The following OGDH variants were observed in gnomAD, a reference collection of about 807,000 sequenced individuals.
OGDH encodes the protein oxoglutarate dehydrogenase.
OGDH carries 38 observed loss-of-function variants against 116.6 expected under a neutral mutation model. That is an observed-to-expected ratio of 0.33 (90% CI 0.25 to 0.43). The LOEUF (loss-of-function observed/expected upper bound fraction) is 0.43, where lower values mean the gene tolerates loss of function less well. OGDH is among the 20% of genes least tolerant of loss of function. OGDH has a pLI of 1.00. For missense variants in OGDH, 825 were observed against 1,357.2 expected (o/e 0.61, Z 6.16); for synonymous variants, 488 against 533.3 (o/e 0.92, Z 1.17).
intron 12 of OGDH, among the ~76,000 whole-genome samples, chr7:44,695,697 G>A (rs1414405608): frequency 3.5e-5 from 5 of 144,514 alleles, no homozygotes; most frequent in South Asian, 2.2e-4. Flanking sequence ...GCATGACTCC[G>A]TCTCAAAAAA....
chr7:44,673,550 A>G (rs1341489388), intron 5 of OGDH, among the ~76,000 whole-genome samples: 1 of 152,128 alleles, frequency 6.6e-6, no homozygotes, highest in Non-Finnish European at 1.5e-5. Context: ...TTGGAAGGCT[A>G]GGAGGTTCTC....
At chr7:44,682,677 A>C (rs967913449) in intron 10 of OGDH, among the ~76,000 whole-genome samples, 3 of 152,010 alleles carry the variant, frequency 2.0e-5, no homozygotes, top group African/African-American at 7.2e-5. Flanking sequence ...GCGACAGAGC[A>C]GGAGTCTGTC....
chr7:44,670,739 G>A (rs1198767310), intron 5 of OGDH, among the ~76,000 whole-genome samples: 2 of 152,266 alleles, frequency 1.3e-5, no homozygotes, highest in Non-Finnish European at 2.9e-5. Flanking sequence ...GGCTGGGCGT[G>A]GTGGCTCAAG....
At chr7:44,684,797 T>C (rs1290106958) in intron 10 of OGDH, among the ~76,000 whole-genome samples, 4 of 143,774 alleles carry the variant, frequency 2.8e-5, no homozygotes, top group African/African-American at 5.4e-5. Flanking sequence ...TTTTTTTCTA[T>C]TTTTTTTTTT....
chr7:44,680,344 A>G (rs1344147371), intron 9 of OGDH, among the ~76,000 whole-genome samples: 1 of 152,178 alleles, frequency 6.6e-6, no homozygotes, highest in Non-Finnish European at 1.5e-5. Context: ...TAGGCTGTGT[A>G]TCCAAGGAGT....
chr7:44,615,772 C>T (rs1030610462), intron 1 of OGDH, among the ~76,000 whole-genome samples: 2 of 152,106 alleles, frequency 1.3e-5, no homozygotes, highest in African/African-American at 4.8e-5. Flanking sequence ...GGTGTGGTGG[C>T]TCATACCTGT....
At chr7:44,688,740 A>G (rs1211589506) in intron 10 of OGDH, among the ~76,000 whole-genome samples, 1 of 151,280 alleles carries the variant, frequency 6.6e-6, no homozygotes, top group East Asian at 2.0e-4. Flanking sequence ...TTATATATAC[A>G]TTTTTTGTTG....
At chr7:44,683,000 T>G (rs1253459848) in intron 10 of OGDH, among the ~76,000 whole-genome samples, 3 of 151,052 alleles carry the variant, frequency 2.0e-5, no homozygotes, top group African/African-American at 7.3e-5. Context: ...TACAAAAAAA[T>G]TAGGCGGGTG....
At chr7:44,684,217 A>C (rs1254697552) in intron 10 of OGDH, among the ~76,000 whole-genome samples, 1 of 152,158 alleles carries the variant, frequency 6.6e-6, no homozygotes, top group East Asian at 1.9e-4. Flanking sequence ...GCGCCTGAGG[A>C]AAGCTCCCAA....
At chr7:44,680,509 G>A (rs1562668014) in intron 9 of OGDH, among the ~76,000 whole-genome samples, 1 of 148,398 alleles carries the variant, frequency 6.7e-6, no homozygotes, top group South Asian at 2.1e-4. Context: ...AAATTTGGAG[G>A]TATCAATACA....
intron 1 of OGDH, 108 bp downstream of exon 1, chr7:44,606,761 T>G (rs988687583): frequency 2.0e-5 from 3 of 152,372 alleles, no homozygotes; most frequent in African/African-American, 7.2e-5. Flanking sequence ...CCCTTGGTGC[T>G]GCGGGCGCCG....
Position 44,697,302 on chromosome 7 carries a change from G to A in OGDH, c.2052-68G>A. The A allele has an allele frequency of 6.3e-7, 1 of 1,596,694 alleles. No individual in the cohort carries two copies. Among genetic ancestry groups the A allele is most frequent in the Non-Finnish European group, 8.6e-7 (1 of 1,168,116 alleles). ...AGCATGGCATCTGCTGGTGCTTCGT[G>A]CGGGTCCCCAGCGTATTTGCTTGTC... is the stretch of plus-strand genomic sequence containing the variant. On this transcript the variant is annotated intron_variant, in intron 15 of 22. Transcript: ENST00000222673. This position sits in a 1 kb window ranked among gnomAD's most constrained non-coding sequence, Gnocchi z 6.0.
Position 44,671,215 on chromosome 7 carries a change from G to A in OGDH, c.634-2572G>A, listed in dbSNP as rs543636041. Among the ~76,000 whole-genome samples the A allele has an allele frequency of 2.0e-5, 3 of 152,180 alleles. No homozygotes were observed. The South Asian group carries it at 6.2e-4, about 32-fold the overall frequency. On this transcript the variant is annotated intron_variant, in intron 5 of 22. Coordinates refer to ENST00000222673, the MANE Select transcript of OGDH (RefSeq NM_002541.4). Reference sequence around the variant, plus strand: ...CTTCCACTCCTAGTGGAAGGCAGAGGGGAGCCTGCTTGTGCAGAGATCACA... The same window carrying A: ...CTTCCACTCCTAGTGGAAGGCAGAGAGGAGCCTGCTTGTGCAGAGATCACA...
In OGDH at chr7:44,619,653, AGTTGTTTCTACT is replaced by A. The variant is rs536668203; in HGVS notation, c.-27-4648_-27-4637del. 1.5e-3 allele frequency among the ~76,000 whole-genome samples: 221 copies of A among 152,228 alleles called. 1 individual carries two copies. Among genetic ancestry groups the A allele is most frequent in the Middle Eastern group, 0.01 (3 of 294 alleles). On this transcript the variant is annotated intron_variant, in intron 1 of 22. Coordinates refer to ENST00000222673, the MANE Select transcript of OGDH (RefSeq NM_002541.4). Reference sequence around the variant, plus strand: ...TCCATTCGTCAGTGATGGACATTTGAGTTGTTTCTACTGTTGTTTCTACTGTTTCAACTGTTG... The same window carrying A: ...TCCATTCGTCAGTGATGGACATTTGAGTTGTTTCTACTGTTTCAACTGTTG...
chr7:44,619,332 G>A (rs1183267014), intron 1 of OGDH, among the ~76,000 whole-genome samples: 1 of 152,210 alleles, frequency 6.6e-6, no homozygotes, highest in Non-Finnish European at 1.5e-5. Flanking sequence ...GTAGGAGGCA[G>A]CCTTGTGGGA....
At chr7:44,646,205 A>G (rs1350763471) in intron 3 of OGDH, among the ~76,000 whole-genome samples, 1 of 152,218 alleles carries the variant, frequency 6.6e-6, no homozygotes, top group Non-Finnish European at 1.5e-5. Flanking sequence ...AGTTCTAAGG[A>G]CGACAGGTAG....
In OGDH at chr7:44,672,095, T is replaced by TA. The variant is rs534921257; in HGVS notation, c.634-1682dup. Among the ~76,000 whole-genome samples, 1,225 of 148,944 alleles carry TA rather than the reference T, an allele frequency of 8.2e-3. 11 individuals are homozygous for TA. Among genetic ancestry groups the TA allele is most frequent in the African/African-American group, 0.026 (1,055 of 40,582 alleles). ...AAAATAAATAAATTAATTAATTAATTAAAAAAAAAACCTTAAATACTAGGG... is the reference window on the plus strand; with the variant it reads ...AAAATAAATAAATTAATTAATTAATTAAAAAAAAAAACCTTAAATACTAGGG... On this transcript the variant is annotated intron_variant, in intron 5 of 22. Transcript: ENST00000222673.
chr7:44,704,173 A>G (rs1360611420), intron 20 of OGDH, among the ~76,000 whole-genome samples: 1 of 152,200 alleles, frequency 6.6e-6, no homozygotes, highest in African/African-American at 2.4e-5. Context: ...CACCAACAGT[A>G]TATGAGGATC....
chr7:44,620,373 A>T lies in OGDH; in HGVS notation c.-27-3944A>T, dbSNP rs1255065193. On this transcript the variant is annotated intron_variant, in intron 1 of 22. Transcript: ENST00000222673. ...TTGTGGTTTTTATTTTGTTGTTTAT[A>T]CTTGTGGTGTCATAACTAAGAATAC... Among the ~76,000 whole-genome samples the T allele has an allele frequency of 4.6e-5, 7 of 152,102 alleles. No homozygotes were observed. In the East Asian group the frequency reaches 1.2e-3, roughly 25 times the overall value.
Sources: gnomAD v4.1 joint callset for allele counts (sites outside exome capture counted in the v4.1 genomes callset) on GRCh38, gnomAD v4.1.1 for gene constraint, Gnocchi (gnomAD v3.1) non-coding constraint, MANE v1.5 for transcripts, NCBI Gene and HGNC (gene_info 2026-07-23, HGNC 2026-07-21) for gene names.